The following ALS2 variants were observed in gnomAD, a reference collection of about 807,000 sequenced individuals.
ALS2 encodes the protein alsin.
In ALS2, 117 loss-of-function variants were observed where a neutral mutation model predicts 203.4. That is an observed-to-expected ratio of 0.58 (90% CI 0.50 to 0.67). ALS2 has a LOEUF of 0.67. Among genes scored for constraint, ALS2 ranks in the 30% least tolerant of loss-of-function variants. The pLI, the probability that ALS2 is intolerant of heterozygous loss-of-function variation, is 0.00. For synonymous variants in ALS2, 718 were observed against 725.9 expected (o/e 0.99, Z 0.17); for missense variants, 1,715 against 1,989.4 (o/e 0.86, Z 2.62).
rs538311710 is a variant in ALS2, at chr2:201,726,798, A to AG, written c.3047dup (p.Tyr1017LeufsTer5). The AG allele has an allele frequency of 2.5e-6, 4 of 1,614,034 alleles. No homozygotes were observed. Among genetic ancestry groups the AG allele is most frequent in the Non-Finnish European group, 2.5e-6 (3 of 1,180,030 alleles). On this transcript the variant is annotated frameshift_variant, in exon 18 of 34. Coordinates refer to ENST00000264276, the MANE Select transcript of ALS2 (RefSeq NM_020919.4). LOFTEE classifies it high-confidence loss of function. ...TCTGAACACTGCTACCACTTCCATA[A>AG]GGGGGGAGATCAGACATCCCTCTCA...
In ALS2 at chr2:201,722,983, T is replaced by TA. The variant is rs3219165; in HGVS notation, c.3702+59dup. On this transcript the variant is annotated intron_variant, in intron 23 of 33. Coordinates refer to ENST00000264276, the MANE Select transcript of ALS2 (RefSeq NM_020919.4). ...GCATGTAAATCAGCTATTTTTAAAG[T>TA]AAAAAAAAATTAGTAAAAGAATTTA... is the stretch of plus-strand genomic sequence containing the variant. 112,744 of 1,292,068 alleles carry TA rather than the reference T, an allele frequency of 0.087. 4,495 individuals carry two copies. The highest frequency in any genetic ancestry group is 0.23 in the East Asian group (9,721 of 41,786). 80.0% of individuals were successfully genotyped at this position (1,292,068 alleles called of 1,614,324 possible). A position where few individuals can be genotyped will look rare whatever the true frequency, so the allele number is the denominator to read the frequency against.
At chr2:201,712,528 T>C (rs539346830) in intron 25 of ALS2, among the ~76,000 whole-genome samples, 1 of 152,318 alleles carries the variant, frequency 6.6e-6, no homozygotes, top group East Asian at 1.9e-4. Flanking sequence ...AAATTAACTG[T>C]ATGTAGCTAC....
intron 25 of ALS2, among the ~76,000 whole-genome samples, chr2:201,714,322 A>C (rs1416222985): frequency 6.6e-6 from 1 of 152,210 alleles, no homozygotes; most frequent in African/African-American, 2.4e-5. Context: ...CAGGGTGCCT[A>C]TGTGACCCGC....
chr2:201,718,278 G>C (rs374601456), intron 23 of ALS2, 68 bp from the exon 24 acceptor site: 13 of 1,537,696 alleles, frequency 8.5e-6, no homozygotes, highest in African/African-American at 4.1e-5. Flanking sequence ...TATTTATTTA[G>C]AGACAGAGTC....
chr2:201,711,628 T>C (rs955065838), intron 25 of ALS2, among the ~76,000 whole-genome samples: 1 of 152,074 alleles, frequency 6.6e-6, no homozygotes, highest in African/African-American at 2.4e-5. Context: ...CAGGTGACAA[T>C]GTAAGCACAT....
chr2:201,706,934 C>A lies in ALS2; in HGVS notation c.4492G>T (p.Asp1498Tyr). 1 of 1,614,068 alleles carries A rather than the reference C, an allele frequency of 6.2e-7. No homozygotes were observed. Among genetic ancestry groups the A allele is most frequent in the Non-Finnish European group, 8.5e-7 (1 of 1,179,994 alleles). ...PLFMLYALDN[D>Y]REEDIYWECV... ...TCCCAGTAAATGTCTTCCTCGCGAT[C>A]ATTATCCAAAGCATAAAGCATAAAC... Residue 1498 changes from aspartate (D) to tyrosine (Y), a missense_variant, in exon 29 of 34, where the codon GAT (aspartate) becomes TAT (tyrosine). This residue lies in a region of ALS2 where 1,227 missense variants were observed against 1,413.5 expected (regional missense o/e 0.87). Coordinates refer to ENST00000264276, the MANE Select transcript of ALS2 (RefSeq NM_020919.4).
At chr2:201,712,145 C>G (rs1451063115) in intron 25 of ALS2, among the ~76,000 whole-genome samples, 1 of 152,036 alleles carries the variant, frequency 6.6e-6, no homozygotes, top group African/African-American at 2.4e-5. Flanking sequence ...TTCAAGCAAG[C>G]AAAAATTATA....
At chr2:201,754,480 C>T (rs182524633) in intron 6 of ALS2, 23 bp downstream of exon 6, 44 of 1,613,880 alleles carry the variant, frequency 2.7e-5, no homozygotes, top group African/African-American at 1.5e-4. Flanking sequence ...CAACTTCTAT[C>T]GGTAAATGTT....
intron 10 of ALS2, among the ~76,000 whole-genome samples, chr2:201,743,854 A>T (rs1692455843): frequency 1.3e-5 from 2 of 152,198 alleles, no homozygotes; most frequent in South Asian, 4.1e-4. Flanking sequence ...TCTACTTGAT[A>T]CAATTCTAAG....
intron 26 of ALS2, among the ~76,000 whole-genome samples, 180 bp downstream of exon 26, chr2:201,710,811 A>T (rs1248816977): frequency 6.6e-6 from 1 of 152,208 alleles, no homozygotes; most frequent in African/African-American, 2.4e-5. Context: ...GTTCTATCAT[A>T]ATAATGGGAC....
intron 6 of ALS2, among the ~76,000 whole-genome samples, chr2:201,754,014 CTT>C (rs554050978): frequency 1.4e-4 from 20 of 143,100 alleles, no homozygotes; most frequent in Non-Finnish European, 1.7e-4. Flanking sequence ...TTTTCTTTTC[CTT>C]TTTTTTTTTT....
intron 1 of ALS2, among the ~76,000 whole-genome samples, chr2:201,774,189 G>T (rs933915706): frequency 6.6e-6 from 1 of 152,194 alleles, no homozygotes; most frequent in African/African-American, 2.4e-5. Context: ...GAATATGTCT[G>T]CATGACAAAG....
chr2:201,726,036 TAGA>T (rs1472672427), intron 19 of ALS2, among the ~76,000 whole-genome samples: 3 of 152,224 alleles, frequency 2.0e-5, no homozygotes, highest in African/African-American at 7.2e-5. Flanking sequence ...AAAAAGTCAT[TAGA>T]GCATCATTGA....
In ALS2 at chr2:201,701,205, C is replaced by T. The variant is rs190613322; in HGVS notation, c.*646G>A. Reference sequence around the variant, plus strand: ...CTTTTAAGTTAAGAGGCAGAAGACTCCTATTTGGATGCATTCCACATTTTG... The same window carrying T: ...CTTTTAAGTTAAGAGGCAGAAGACTTCTATTTGGATGCATTCCACATTTTG... On this transcript the variant is annotated 3_prime_UTR_variant, in exon 34 of 34. Coordinates refer to ENST00000264276, the MANE Select transcript of ALS2 (RefSeq NM_020919.4). 1 of 152,766 alleles carries T rather than the reference C, an allele frequency of 6.5e-6. No individual in the cohort carries two copies. Among genetic ancestry groups the T allele is most frequent in the East Asian group, 1.9e-4 (1 of 5,180 alleles). The allele number at this position is 152,766 out of a possible 1,614,324, so 9.5% of individuals were successfully genotyped here.
At chr2:201,774,006 G>A (rs1026020454) in intron 1 of ALS2, among the ~76,000 whole-genome samples, 9 of 152,230 alleles carry the variant, frequency 5.9e-5, no homozygotes, top group Non-Finnish European at 1.3e-4. Flanking sequence ...AAACCAGATT[G>A]AAGTAAGCTG....
intron 22 of ALS2, 35 bp from the exon 23 acceptor site, chr2:201,723,155 T>A: frequency 6.4e-7 from 1 of 1,552,116 alleles, no homozygotes; most frequent in South Asian, 1.1e-5. Flanking sequence ...TTACAACACA[T>A]AAAATACAGA....
At chr2:201,741,638 G>T (rs1399317271) in intron 11 of ALS2, 36 bp downstream of exon 11, 2 of 1,598,868 alleles carry the variant, frequency 1.3e-6, no homozygotes, top group African/African-American at 1.3e-5. Flanking sequence ...GAATAACCCT[G>T]CAGAGATTGA....
At position 201,707,996 on chromosome 2, in the gene ALS2, G is replaced by A. The variant is rs1392390121; in HGVS notation, c.4281-5C>T. ...GGCAGCTCAGGAAATAAGAACCTAA[G>A]GAAGAATAAAAAATATAATTATACA... On this transcript the variant is annotated splice_polypyrimidine_tract_variant and splice_region_variant and intron_variant, in intron 27 of 33. Transcript: ENST00000264276. The A allele has an allele frequency of 2.5e-6, 4 of 1,609,988 alleles. No homozygotes were observed. The highest frequency in any genetic ancestry group is 3.4e-6 in the Non-Finnish European group (4 of 1,177,546).
At chr2:201,704,736 G>A in intron 31 of ALS2, 133 bp from the exon 32 acceptor site, 1 of 1,008,218 alleles carries the variant, frequency 9.9e-7, no homozygotes, top group South Asian at 1.4e-5. Context: ...ATGAGTCGTT[G>A]GAAAGGATGA....
Sources: gnomAD v4.1 joint callset for allele counts (sites outside exome capture counted in the v4.1 genomes callset) on GRCh38, gnomAD v4.1.1 for gene constraint, gnomAD v4.1.1 regional missense constraint, MANE v1.5 for transcripts, NCBI Gene and HGNC (gene_info 2026-07-23, HGNC 2026-07-21) for gene names.